The following SOX5 variants were observed in gnomAD, a reference collection of about 807,000 sequenced individuals.
The protein encoded by SOX5 is transcription factor SOX-5.
In SOX5, 9 loss-of-function variants were observed where a neutral mutation model predicts 92.0. The observed-to-expected ratio is 0.10, with a 90% CI of 0.06 to 0.17. The LOEUF (loss-of-function observed/expected upper bound fraction) is 0.17, where lower values mean the gene tolerates loss of function less well. Ranked by LOEUF, SOX5 falls within the 10% of genes least tolerant of loss-of-function variation. The pLI, the probability that SOX5 is intolerant of heterozygous loss-of-function variation, is 1.00. For missense variants in SOX5, 642 were observed against 944.5 expected, an observed-to-expected ratio of 0.68 and a Z score of 4.20; for synonymous variants, 344 against 336.3, an observed-to-expected ratio of 1.02 and a Z score of -0.25.
intron 10 of SOX5, among the ~76,000 whole-genome samples, chr12:23,573,972 A>C (rs142380980): frequency 6.6e-4 from 101 of 151,928 alleles, no homozygotes; most frequent in African/African-American, 2.3e-3. Context: ...TTAATTTGTT[A>C]CACAGCAATA....
Position 23,896,714 on chromosome 12 carries a change from TAAA to T in SOX5, c.39-693_39-691del, listed in dbSNP as rs11306331. On this transcript the variant is annotated intron_variant, in intron 1 of 14. Coordinates refer to ENST00000451604, the MANE Select transcript of SOX5 (RefSeq NM_006940.6). ...TTATAATAACAAAGTTGCAAGGTAG[TAAA>T]AAAAAAAAAAAAAAGGTGAGAATAT... Among the ~76,000 whole-genome samples, 698 of 123,808 alleles carry T rather than the reference TAAA, an allele frequency of 5.6e-3. 5 individuals carry two copies. Among genetic ancestry groups the T allele is most frequent in the African/African-American group, 0.02 (659 of 33,780 alleles). 81.2% of individuals were successfully genotyped at this position (123,808 alleles called of 152,430 possible).
intron 4 of SOX5, among the ~76,000 whole-genome samples, chr12:24,081,552 C>T (rs1289658710): frequency 2.6e-5 from 4 of 151,956 alleles, no homozygotes; most frequent in Non-Finnish European, 4.4e-5. Context: ...AAAACAATCA[C>T]ATTCCTTTAT....
intron 4 of SOX5, among the ~76,000 whole-genome samples, chr12:23,994,666 G>A (rs1319921738): frequency 6.6e-6 from 1 of 152,030 alleles, no homozygotes; most frequent in African/African-American, 2.4e-5. Flanking sequence ...AGTGGGGCGT[G>A]GGAGGTGTGT....
intron 2 of SOX5, among the ~76,000 whole-genome samples, chr12:23,880,212 T>C (rs2096972720): frequency 6.6e-6 from 1 of 152,190 alleles, no homozygotes; most frequent in East Asian, 1.9e-4. Flanking sequence ...TTCACAGGTT[T>C]CAAAAAGCTC....
intron 3 of SOX5, among the ~76,000 whole-genome samples, chr12:24,262,973 G>C (rs937057579): frequency 6.6e-6 from 1 of 152,152 alleles, no homozygotes; most frequent in Non-Finnish European, 1.5e-5. Flanking sequence ...TGTAATCCCA[G>C]CACTCTGGGA....
chr12:23,708,747 T>C (rs985314095), intron 6 of SOX5, among the ~76,000 whole-genome samples: 1 of 152,132 alleles, frequency 6.6e-6, no homozygotes, highest in East Asian at 1.9e-4. Context: ...CACAACGTTA[T>C]AGAAAACAAA....
At chr12:24,504,896 C>A (rs1948570828) in intron 1 of SOX5, among the ~76,000 whole-genome samples, 1 of 152,048 alleles carries the variant, frequency 6.6e-6, no homozygotes, top group Non-Finnish European at 1.5e-5. Context: ...TTTTTTCATG[C>A]CGCATTGAAG....
At chr12:24,374,192 G>A (rs968398409) in intron 1 of SOX5, among the ~76,000 whole-genome samples, 1 of 152,050 alleles carries the variant, frequency 6.6e-6, no homozygotes, top group African/African-American at 2.4e-5. Flanking sequence ...GGCTTCCAGG[G>A]CAGTGGTGCA....
intron 3 of SOX5, among the ~76,000 whole-genome samples, chr12:23,837,273 A>ATATATT (rs766309672): frequency 1.6e-5 from 1 of 64,292 alleles, no homozygotes; most frequent in African/African-American, 4.4e-5. Flanking sequence ...AATATATAAT[A>ATATATT]TGTATTTATA....
intron 10 of SOX5, among the ~76,000 whole-genome samples, chr12:23,570,920 AAAAAAAAAAAATATATATAT>A (rs1206075702): frequency 2.4e-4 from 10 of 41,694 alleles, no homozygotes; most frequent in African/African-American, 8.5e-4. Context: ...CAAAAAAAAA[AAAAAAAAAAAATATATATAT>A]ATATATATAT....
At chr12:24,093,221 TA>T (rs1944876420) in intron 4 of SOX5, among the ~76,000 whole-genome samples, 1 of 152,098 alleles carries the variant, frequency 6.6e-6, no homozygotes, top group Non-Finnish European at 1.5e-5. Flanking sequence ...TTGGATGTTC[TA>T]TAAAAAACCT....
chr12:23,759,010 AACACACACACACACACACAG>A (rs1266556676), intron 3 of SOX5, among the ~76,000 whole-genome samples: 7 of 108,362 alleles, frequency 6.5e-5, no homozygotes, highest in African/African-American at 2.0e-4. Context: ...GGCAACACAA[AACACACACACACACACACAG>A]ACACACACAC....
At chr12:23,779,936 T>C (rs1676698321) in intron 3 of SOX5, among the ~76,000 whole-genome samples, 1 of 139,054 alleles carries the variant, frequency 7.2e-6, no homozygotes, top group South Asian at 2.4e-4. Flanking sequence ...TTTATGTGTG[T>C]GCATGAGACA....
chr12:24,557,077 G>A (rs1953862759), intron 1 of SOX5, among the ~76,000 whole-genome samples: 1 of 152,004 alleles, frequency 6.6e-6, no homozygotes, highest in African/African-American at 2.4e-5. Flanking sequence ...ATAAGAAAGG[G>A]CATCATAATT....
Position 24,165,628 on chromosome 12 carries a change from A to G in SOX5, c.-2+47715T>C, listed in dbSNP as rs1953308723. Among the ~76,000 whole-genome samples, 5 of 152,146 alleles carry G rather than the reference A, an allele frequency of 3.3e-5. No individual in the cohort carries two copies. In the South Asian group the frequency reaches 1.0e-3, roughly 31 times the overall value. On this transcript the variant is annotated intron_variant, in intron 4 of 4. Transcript: ENST00000446891. ...CTGTATTTCTTACAGTCTGAAAGGAAGTATAGAGGCACATCAAAGGACAGG... is the reference window on the plus strand; with the variant it reads ...CTGTATTTCTTACAGTCTGAAAGGAGGTATAGAGGCACATCAAAGGACAGG...
intron 3 of SOX5, among the ~76,000 whole-genome samples, chr12:24,251,640 C>T (rs1032268552): frequency 6.6e-6 from 1 of 150,608 alleles, no homozygotes; most frequent in Admixed American, 6.6e-5. Flanking sequence ...GGCGTGATCT[C>T]GACTCACTGC....
chr12:24,490,689 G>A (rs1946973778), intron 1 of SOX5, among the ~76,000 whole-genome samples: 1 of 151,920 alleles, frequency 6.6e-6, no homozygotes, highest in Non-Finnish European at 1.5e-5. Context: ...TTTTTTAATG[G>A]TGTTGTGTGG....
intron 8 of SOX5, among the ~76,000 whole-genome samples, chr12:23,616,109 C>T (rs754959491): frequency 4.6e-5 from 7 of 152,068 alleles, no homozygotes; most frequent in South Asian, 2.1e-4. Context: ...TCTTTGTATC[C>T]GTCAAGGAAT....
Position 24,115,989 on chromosome 12 carries a change from C to A in SOX5, c.-2+97354G>T, listed in dbSNP as rs1947947508. On this transcript the variant is annotated intron_variant, in intron 4 of 4. Transcript: ENST00000446891. ...TGTAGGAGAATAGAACATGAAGAGA[C>A]ACAATTAATAGCAATATTAATTAAG... Among the ~76,000 whole-genome samples, 3 of 151,934 alleles carry A rather than the reference C, an allele frequency of 2.0e-5. No individual in the cohort carries two copies. In the South Asian group the frequency reaches 6.2e-4, roughly 32 times the overall value.
Sources: gnomAD v4.1 joint callset for allele counts (sites outside exome capture counted in the v4.1 genomes callset) on GRCh38, gnomAD v4.1.1 for gene constraint, MANE v1.5 for transcripts, NCBI Gene and HGNC (gene_info 2026-07-23, HGNC 2026-07-21) for gene names.